The following TCF4 variants were observed in gnomAD, a reference collection of about 807,000 sequenced individuals.
The protein encoded by TCF4 is transcription factor 4.
TCF4 carries 3 observed loss-of-function variants against 82.1 expected under a neutral mutation model. That is an observed-to-expected ratio of 0.04 (90% CI 0.02 to 0.09). The LOEUF is 0.09. TCF4 is among the 10% of genes least tolerant of loss of function. The pLI, the probability that TCF4 is intolerant of heterozygous loss-of-function variation, is 1.00. For missense variants in TCF4, 518 were observed against 852.7 expected (o/e 0.61, Z 4.89); for synonymous variants, 276 against 309.6 (o/e 0.89, Z 1.14).
chr18:55,491,446 C>G (rs1035317578), intron 3 of TCF4, among the ~76,000 whole-genome samples: 1 of 152,176 alleles, frequency 6.6e-6, no homozygotes, highest in East Asian at 1.9e-4. Flanking sequence ...AATTATATCC[C>G]TAACTATCCA....
upstream of TCF4, chr18:55,588,201 A>G: frequency 8.2e-7 from 1 of 1,224,270 alleles, no homozygotes; most frequent in Non-Finnish European, 1.0e-6. Context: ...GCAGACACAC[A>G]GCCAAGATCC....
At chr18:55,569,462 T>C (rs1333716751) in intron 3 of TCF4, among the ~76,000 whole-genome samples, 3 of 152,000 alleles carry the variant, frequency 2.0e-5, no homozygotes, top group Non-Finnish European at 4.4e-5. Flanking sequence ...AGAGAATCAC[T>C]TGAACCCAGG....
chr18:55,511,445 A>G (rs1023345776), intron 3 of TCF4, among the ~76,000 whole-genome samples: 2 of 151,758 alleles, frequency 1.3e-5, no homozygotes, highest in Non-Finnish European at 2.9e-5. Flanking sequence ...AGTATGGGGA[A>G]TTTCACATAG....
chr18:55,356,752 C>T (rs2083640393), intron 6 of TCF4, among the ~76,000 whole-genome samples: 2 of 151,938 alleles, frequency 1.3e-5, no homozygotes, highest in South Asian at 2.1e-4. Context: ...ACTTATCAAG[C>T]GTTGTTTTAA....
intron 6 of TCF4, among the ~76,000 whole-genome samples, chr18:55,387,101 A>C (rs951950681): frequency 1.3e-5 from 2 of 152,202 alleles, no homozygotes; most frequent in African/African-American, 4.8e-5. Context: ...CCACCCATCC[A>C]CCCTTTGAAA....
chr18:55,477,455 G>A (rs1046891925), intron 3 of TCF4, among the ~76,000 whole-genome samples: 4 of 152,188 alleles, frequency 2.6e-5, no homozygotes, highest in African/African-American at 7.2e-5. Context: ...AAGGTGTACG[G>A]TGTTATAATG....
chr18:55,550,959 T>G (rs1422656923), intron 3 of TCF4: 1 of 152,076 alleles, frequency 6.6e-6, no homozygotes, highest in Non-Finnish European at 1.5e-5. Context: ...TTTTTTTTTC[T>G]ATGACACGAA....
At chr18:55,571,401 G>A (rs567615087) in intron 3 of TCF4, among the ~76,000 whole-genome samples, 1 of 152,290 alleles carries the variant, frequency 6.6e-6, no homozygotes, top group Admixed American at 6.5e-5. Flanking sequence ...AAAAGGGCAT[G>A]AGAATGTTTC....
intron 3 of TCF4, among the ~76,000 whole-genome samples, chr18:55,518,503 A>C (rs985781482): frequency 6.6e-6 from 1 of 152,220 alleles, no homozygotes; most frequent in African/African-American, 2.4e-5. Flanking sequence ...TTCAGAATGT[A>C]AACTATTGGA....
chr18:55,234,680 C>T lies in TCF4; in HGVS notation c.1354G>A (p.Gly452Arg), dbSNP rs138570124. The change falls in exon 16 of 20, where the codon GGG (glycine) becomes AGG (arginine). Residue 452 changes from glycine (G) to arginine (R), a missense_variant. Physicochemically the swap from Gly to Arg is moderately radical, Grantham distance 125. Around this residue, in one of 7 missense-constraint regions of TCF4, gnomAD observed 144 missense variants for 190.2 expected, o/e 0.76. Coordinates refer to ENST00000354452, the MANE Select transcript of TCF4 (RefSeq NM_001083962.2). ...LSANRHSLMV[G>R]THREDGVALR... ...GCCACGCCATCTTCACGATGGGTCCCCACCTGAAAGGGCGAGAGGAACCAG... is the reference window on the plus strand; with the variant it reads ...GCCACGCCATCTTCACGATGGGTCCTCACCTGAAAGGGCGAGAGGAACCAG... 5.4e-5 allele frequency: 87 copies of T among 1,614,096 alleles called. No individual in the cohort carries two copies. The highest frequency in any genetic ancestry group is 6.3e-5 in the Non-Finnish European group (74 of 1,180,002).
intron 10 of TCF4, among the ~76,000 whole-genome samples, chr18:55,274,203 T>C (rs1204985761): frequency 6.6e-6 from 1 of 152,152 alleles, no homozygotes; most frequent in African/African-American, 2.4e-5. Flanking sequence ...GTTGATATAG[T>C]TGATATTTCT....
chr18:55,322,105 C>CAT, intron 8 of TCF4: 1 of 872,040 alleles, frequency 1.1e-6, no homozygotes, highest in East Asian at 6.7e-5. Flanking sequence ...TTTTTTTTTC[C>CAT]TTTTTTTTTT....
intron 6 of TCF4, among the ~76,000 whole-genome samples, chr18:55,381,736 C>T (rs919310768): frequency 2.0e-5 from 3 of 150,824 alleles, no homozygotes; most frequent in South Asian, 4.2e-4. Context: ...TACTCAATCC[C>T]GCTTTCATTA....
intron 6 of TCF4, among the ~76,000 whole-genome samples, chr18:55,371,921 G>A (rs1449835610): frequency 2.0e-5 from 3 of 151,958 alleles, no homozygotes; most frequent in Non-Finnish European, 4.4e-5. Flanking sequence ...TTTAGCCAAT[G>A]GATTAATGGA....
chr18:55,574,091 T>G (rs1227423760), intron 3 of TCF4, among the ~76,000 whole-genome samples: 1 of 152,174 alleles, frequency 6.6e-6, no homozygotes, highest in Non-Finnish European at 1.5e-5. Flanking sequence ...TAATTCTCAT[T>G]GCCTCCCAGA....
At chr18:55,279,004 A>G (rs1237060814) in intron 9 of TCF4, among the ~76,000 whole-genome samples, 1 of 152,186 alleles carries the variant, frequency 6.6e-6, no homozygotes, top group Non-Finnish European at 1.5e-5. Flanking sequence ...TTCTCCCCCA[A>G]AAGTTGGGCC....
intron 8 of TCF4, among the ~76,000 whole-genome samples, chr18:55,319,667 G>A (rs1263362710): frequency 6.7e-6 from 1 of 150,204 alleles, no homozygotes; most frequent in Non-Finnish European, 1.5e-5. Context: ...GATTTTATGA[G>A]TACCATCCTC....
At chr18:55,472,949 C>T (rs1247431314) in intron 3 of TCF4, among the ~76,000 whole-genome samples, 2 of 152,120 alleles carry the variant, frequency 1.3e-5, no homozygotes, top group Non-Finnish European at 2.9e-5. Flanking sequence ...CTAAGGAATA[C>T]ATTTAAGAAT....
chr18:55,382,545 T>G (rs1215174242), intron 6 of TCF4, among the ~76,000 whole-genome samples: 1 of 152,146 alleles, frequency 6.6e-6, no homozygotes, highest in Non-Finnish European at 1.5e-5. Flanking sequence ...ATCCATAGTT[T>G]TCCCAGAATG....
Sources: gnomAD v4.1 joint callset for allele counts (sites outside exome capture counted in the v4.1 genomes callset) on GRCh38, gnomAD v4.1.1 for gene constraint, gnomAD v4.1.1 regional missense constraint, MANE v1.5 for transcripts, NCBI Gene and HGNC (gene_info 2026-07-23, HGNC 2026-07-21) for gene names.